LDLRAD4: variants seen among roughly 807,000 people sequenced by gnomAD.
The protein encoded by LDLRAD4 is low-density lipoprotein receptor class A domain-containing protein 4.
In LDLRAD4, 5 loss-of-function variants were observed where a neutral mutation model predicts 17.0. The ratio of observed to expected loss-of-function variants is 0.29; its 90% confidence interval spans 0.15 to 0.62. LDLRAD4 has a LOEUF of 0.62. Among genes scored for constraint, LDLRAD4 ranks in the 20% least tolerant of loss-of-function variants. The pLI, the probability that LDLRAD4 is intolerant of heterozygous loss-of-function variation, is 0.84. For synonymous variants in LDLRAD4, 168 were observed against 171.8 expected (o/e 0.98, Z 0.17); for missense variants, 340 against 424.7 (o/e 0.80, Z 1.75).
intron 2 of LDLRAD4, among the ~76,000 whole-genome samples, chr18:13,424,554 T>C (rs1056198395): frequency 2.0e-5 from 3 of 152,082 alleles, no homozygotes; most frequent in African/African-American, 4.8e-5. Context: ...AGACAAGCAA[T>C]GACAGCAAGG....
At chr18:13,596,778 G>C (rs1040971857) in intron 3 of LDLRAD4, among the ~76,000 whole-genome samples, 3 of 152,064 alleles carry the variant, frequency 2.0e-5, no homozygotes, top group Non-Finnish European at 2.9e-5. Flanking sequence ...TGTTCCTGTG[G>C]ATTTGAGTTA....
At chr18:13,318,577 G>A (rs551604903) in intron 1 of LDLRAD4, among the ~76,000 whole-genome samples, 3 of 152,186 alleles carry the variant, frequency 2.0e-5, no homozygotes, top group Admixed American at 6.5e-5. Flanking sequence ...TAGAATAAAT[G>A]CCCATCCATA....
chr18:13,276,908 C>G (rs565398266), upstream of LDLRAD4, among the ~76,000 whole-genome samples: 2 of 152,276 alleles, frequency 1.3e-5, no homozygotes, highest in South Asian at 2.1e-4. Flanking sequence ...CATGGACTTC[C>G]GTTCCCAAGA....
chr18:13,313,665 A>G (rs1463471769), intron 1 of LDLRAD4, among the ~76,000 whole-genome samples: 3 of 152,178 alleles, frequency 2.0e-5, no homozygotes, highest in African/African-American at 4.8e-5. Context: ...TTTTGCACCT[A>G]TTGATGTACT....
chr18:13,288,024 T>A (rs970363357), intron 1 of LDLRAD4, among the ~76,000 whole-genome samples: 2 of 152,236 alleles, frequency 1.3e-5, no homozygotes, highest in African/African-American at 4.8e-5. Flanking sequence ...GCTACTATTA[T>A]CCTCTCCAAA....
chr18:13,352,019 A>ATC (rs1390234781), intron 1 of LDLRAD4, among the ~76,000 whole-genome samples: 1 of 152,214 alleles, frequency 6.6e-6, no homozygotes, highest in Non-Finnish European at 1.5e-5. Context: ...AAACCACATG[A>ATC]TCATCTCAAT....
At chr18:13,457,101 G>A (rs930737057) in intron 3 of LDLRAD4, among the ~76,000 whole-genome samples, 8 of 152,324 alleles carry the variant, frequency 5.3e-5, no homozygotes, top group South Asian at 2.1e-4. Context: ...TCCACAGGCC[G>A]GGGGGTCAGT....
intron 1 of LDLRAD4, among the ~76,000 whole-genome samples, chr18:13,324,632 T>G (rs918836006): frequency 6.6e-6 from 1 of 151,974 alleles, no homozygotes; most frequent in African/African-American, 2.4e-5. Flanking sequence ...GGGGAGGGGC[T>G]GGCGTGGGCT....
At chr18:13,370,685 C>G (rs1440241448) in intron 1 of LDLRAD4, among the ~76,000 whole-genome samples, 2 of 146,848 alleles carry the variant, frequency 1.4e-5, no homozygotes, top group South Asian at 4.4e-4. Context: ...TAGATGTAGG[C>G]AGTGTCTCTT....
At chr18:13,644,171 G>A (rs1470198120) in intron 5 of LDLRAD4, among the ~76,000 whole-genome samples, 1 of 152,094 alleles carries the variant, frequency 6.6e-6, no homozygotes, top group African/African-American at 2.4e-5. Context: ...GGGGGAATTT[G>A]TTAAAAAGTA....
At chr18:13,554,132 C>T (rs995873748) in intron 3 of LDLRAD4, among the ~76,000 whole-genome samples, 8 of 152,180 alleles carry the variant, frequency 5.3e-5, no homozygotes, top group African/African-American at 1.9e-4. Context: ...ACACAGTAGG[C>T]ACTCTGCAAA....
At chr18:13,290,190 T>G (rs1342660034) in intron 1 of LDLRAD4, among the ~76,000 whole-genome samples, 1 of 152,178 alleles carries the variant, frequency 6.6e-6, no homozygotes, top group East Asian at 1.9e-4. Context: ...TGATTCTGTT[T>G]CCCCATAATT....
At chr18:13,508,239 T>G (rs1272638972) in intron 3 of LDLRAD4, among the ~76,000 whole-genome samples, 1 of 152,174 alleles carries the variant, frequency 6.6e-6, no homozygotes, top group Non-Finnish European at 1.5e-5. Flanking sequence ...AGAGGTAGGT[T>G]CATGAGGTTC....
intron 1 of LDLRAD4, among the ~76,000 whole-genome samples, chr18:13,227,996 A>C (rs1198384971): frequency 6.6e-6 from 1 of 152,250 alleles, no homozygotes; most frequent in Admixed American, 6.5e-5. Context: ...CAGGTACTGC[A>C]GGTGCAGACG....
intron 1 of LDLRAD4, among the ~76,000 whole-genome samples, chr18:13,351,595 T>C (rs1473426276): frequency 6.6e-6 from 1 of 152,082 alleles, no homozygotes; most frequent in Non-Finnish European, 1.5e-5. Context: ...AATAGACCAA[T>C]AACAAGTTCT....
chr18:13,432,111 T>C (rs1288366577), intron 2 of LDLRAD4, among the ~76,000 whole-genome samples: 1 of 152,216 alleles, frequency 6.6e-6, no homozygotes, highest in Admixed American at 6.5e-5. Flanking sequence ...CTACTCAACA[T>C]GTGCACCTTG....
At chr18:13,290,057 T>C (rs764450253) in intron 1 of LDLRAD4, among the ~76,000 whole-genome samples, 14 of 152,152 alleles carry the variant, frequency 9.2e-5, no homozygotes, top group Non-Finnish European at 1.8e-4. Context: ...GGCTGTACCC[T>C]GTGGGGAGAC....
intron 3 of LDLRAD4, among the ~76,000 whole-genome samples, chr18:13,453,418 A>G (rs548887149): frequency 2.0e-5 from 3 of 152,270 alleles, no homozygotes; most frequent in African/African-American, 7.2e-5. Context: ...TAAAATCAAG[A>G]GTCAGCAGCT....
intron 3 of LDLRAD4, among the ~76,000 whole-genome samples, chr18:13,531,138 C>T (rs1184460023): frequency 6.6e-6 from 1 of 152,160 alleles, no homozygotes; most frequent in African/African-American, 2.4e-5. Flanking sequence ...AGGACCAGCC[C>T]AGTCCTGGAG....
Sources: allele counts gnomAD v4.1 joint callset (sites outside exome capture counted in the v4.1 genomes callset), GRCh38; gene constraint gnomAD v4.1.1; transcripts MANE v1.5; gene names NCBI Gene and HGNC (gene_info 2026-07-23, HGNC 2026-07-21).